The following THADA variants were observed in gnomAD, a reference collection of about 807,000 sequenced individuals.
THADA encodes the protein THADA armadillo repeat containing.
A neutral mutation model predicts 219.8 loss-of-function variants in THADA; 213 were observed. The observed-to-expected ratio is 0.97, with a 90% CI of 0.87 to 1.09. THADA has a LOEUF of 1.09. THADA is among the 50% of genes least tolerant of loss of function. The pLI, the probability that THADA is intolerant of heterozygous loss-of-function variation, is 0.00. For missense variants in THADA, 2,956 were observed against 2,311.3 expected (o/e 1.28, Z -5.72); for synonymous variants, 1,018 against 828.9 (o/e 1.23, Z -3.92).
chr2:43,420,142 G>A (rs1035268526), intron 28 of THADA, among the ~76,000 whole-genome samples: 1 of 152,172 alleles, frequency 6.6e-6, no homozygotes, highest in African/African-American at 2.4e-5. Flanking sequence ...ATGGCAGACT[G>A]AACTCCCACA....
chr2:43,422,382 A>G (rs1677823209), intron 28 of THADA, among the ~76,000 whole-genome samples: 1 of 151,978 alleles, frequency 6.6e-6, no homozygotes, highest in African/African-American at 2.4e-5. Context: ...CATCTTGGTC[A>G]CCTCCCCTCG....
chr2:43,562,729 G>A (rs1574271224), intron 15 of THADA: 1 of 152,130 alleles, frequency 6.6e-6, no homozygotes, highest in East Asian at 1.9e-4. Flanking sequence ...CTCTTCCTCT[G>A]TGAGCCTTTT....
intron 14 of THADA, among the ~76,000 whole-genome samples, chr2:43,567,254 C>T (rs1408315964): frequency 5.3e-5 from 8 of 152,068 alleles, no homozygotes; most frequent in East Asian, 1.9e-4. Flanking sequence ...TAATTCTATT[C>T]GGTTTCAAAG....
At chr2:43,352,419 G>A (rs923483320) in intron 29 of THADA, among the ~76,000 whole-genome samples, 1 of 152,078 alleles carries the variant, frequency 6.6e-6, no homozygotes, top group South Asian at 2.1e-4. Context: ...TTAGCTGGGT[G>A]TGGTGGCTTG....
chr2:43,482,495 A>G (rs1168846998), intron 26 of THADA, among the ~76,000 whole-genome samples: 2 of 152,346 alleles, frequency 1.3e-5, no homozygotes, highest in African/African-American at 2.4e-5. Context: ...CCTCAGGAAT[A>G]TTCCAAACCT....
intron 31 of THADA, among the ~76,000 whole-genome samples, chr2:43,297,471 G>T (rs1369345341): frequency 2.0e-5 from 2 of 98,860 alleles, no homozygotes; most frequent in African/African-American, 1.3e-4. Context: ...CCCCCCGCCC[G>T]GCCAGCCGCC....
At chr2:43,316,098 T>C (rs1270610740) in intron 31 of THADA, among the ~76,000 whole-genome samples, 6 of 152,304 alleles carry the variant, frequency 3.9e-5, no homozygotes, top group East Asian at 3.9e-4. Flanking sequence ...GCTTTGGCCA[T>C]GCTTCTACCT....
intron 1 of THADA, 36 bp downstream of exon 1, chr2:43,595,895 C>G (rs1702100504): frequency 1.3e-5 from 2 of 152,296 alleles, no homozygotes; most frequent in Admixed American, 6.5e-5. Flanking sequence ...GCCGAGCTAC[C>G]GCGGGTCTGG....
In THADA at chr2:43,309,429, C is replaced by T. The variant is rs553790991; in HGVS notation, c.4438+11017G>A. On this transcript the variant is annotated intron_variant, in intron 31 of 37. Coordinates refer to ENST00000405975, the MANE Select transcript of THADA (RefSeq NM_022065.5). ...ATTCACGATCTCCAAAAAGTGGAAA[C>T]GACCCTAATGACCATCAACTAGTAA... is the stretch of plus-strand genomic sequence containing the variant. Among the ~76,000 whole-genome samples, 11 of 152,230 alleles carry T rather than the reference C, an allele frequency of 7.2e-5. No individual in the cohort carries two copies. The East Asian group carries it at 1.7e-3, about 24-fold the overall frequency.
At chr2:43,248,548 T>A (rs2104115843) in intron 36 of THADA, among the ~76,000 whole-genome samples, 1 of 152,220 alleles carries the variant, frequency 6.6e-6, no homozygotes, top group South Asian at 2.1e-4. Flanking sequence ...GAAAATTGAT[T>A]AAGGAATTAA....
rs1299656492 is a variant in THADA at position 43,549,354 on chromosome 2, A to G, written c.2962T>C (p.Leu988=). Residue 988 remains leucine, a synonymous_variant, in exon 20 of 38, where the codon TTA becomes CTA. Coordinates refer to ENST00000405975, the MANE Select transcript of THADA (RefSeq NM_022065.5). The stretch of plus-strand genomic sequence containing the variant: ...TGAATCTCATTCAGAATCATCTGTA[A>G]GCGGCTTGCTGACTCTGAGGGAAAG... The part of the protein sequence containing the change: ...MDTDSESASR[L]QMILNEIQPR... The G allele has an allele frequency of 6.2e-7, 1 of 1,602,944 alleles. No homozygotes were observed. The highest frequency in any genetic ancestry group is 8.5e-7 in the Non-Finnish European group (1 of 1,175,028).
chr2:43,272,733 T>C (rs1672275623), intron 36 of THADA, among the ~76,000 whole-genome samples: 1 of 149,798 alleles, frequency 6.7e-6, no homozygotes, highest in African/African-American at 2.5e-5. Flanking sequence ...CAAGTGATCC[T>C]CCCACCTCAG....
At chr2:43,471,872 G>A (rs1318234295) in intron 26 of THADA, among the ~76,000 whole-genome samples, 1 of 151,888 alleles carries the variant, frequency 6.6e-6, no homozygotes, top group Non-Finnish European at 1.5e-5. Context: ...TGCTCCCTAA[G>A]AATAAGTTGC....
chr2:43,489,738 G>A (rs912167919), intron 25 of THADA, among the ~76,000 whole-genome samples: 4 of 152,064 alleles, frequency 2.6e-5, no homozygotes, highest in African/African-American at 9.7e-5. Context: ...TTATGTCAAT[G>A]CCACAAGCTC....
rs201094352 is a variant in THADA at position 43,344,251 on chromosome 2, GA to G, written c.4228-15del. 52 of 1,526,364 alleles carry G rather than the reference GA, an allele frequency of 3.4e-5. No individual in the cohort carries two copies. Among genetic ancestry groups the G allele is most frequent in the Admixed American group, 1.0e-4 (5 of 48,324 alleles). 94.6% of individuals were successfully genotyped at this position (1,526,364 alleles called of 1,614,324 possible). On this transcript the variant is annotated splice_polypyrimidine_tract_variant and intron_variant, in intron 29 of 37. Transcript: ENST00000405975. ...CAAATGAAAAACCTAAACCAAAAAA[GA>G]AAAAAAAATCCTGCTGTGAAAATAT...
intron 36 of THADA, among the ~76,000 whole-genome samples, chr2:43,264,460 T>A: frequency 6.6e-6 from 1 of 152,052 alleles, no homozygotes; most frequent in East Asian, 1.9e-4. Flanking sequence ...TAATTTTGTA[T>A]TTTTAGTAGA....
At chr2:43,266,227 C>T (rs1045816996) in intron 36 of THADA, among the ~76,000 whole-genome samples, 4 of 152,112 alleles carry the variant, frequency 2.6e-5, no homozygotes, top group African/African-American at 7.2e-5. Context: ...ACCCCATGTC[C>T]ACTTTCAACT....
rs1669818209 is a variant in THADA, at chr2:43,251,637, G to A, written c.5297-18755C>T. Among the ~76,000 whole-genome samples the A allele has an allele frequency of 2.6e-5, 4 of 152,238 alleles. No homozygotes were observed. The South Asian group carries it at 8.3e-4, about 31-fold the overall frequency. On this transcript the variant is annotated intron_variant, in intron 36 of 37. Transcript: ENST00000405975. ...AGATGTGGCAGGGCCACAGGGAGCT[G>A]TGTCCAGCTGGGGCATGCCTAGCAC... is the stretch of plus-strand genomic sequence containing the variant.
chr2:43,372,889 A>C (rs1238776644), intron 29 of THADA, among the ~76,000 whole-genome samples: 1 of 152,152 alleles, frequency 6.6e-6, no homozygotes, highest in Non-Finnish European at 1.5e-5. Context: ...TCTTTAGTAG[A>C]GACGAGGTTT....
Sources: allele counts gnomAD v4.1 joint callset (sites outside exome capture counted in the v4.1 genomes callset), GRCh38; gene constraint gnomAD v4.1.1; transcripts MANE v1.5; gene names NCBI Gene and HGNC (gene_info 2026-07-23, HGNC 2026-07-21).